CTNNA3: variants seen among roughly 807,000 people sequenced by gnomAD.
The protein encoded by CTNNA3 is catenin alpha 3.
In CTNNA3, 76 loss-of-function variants were observed where a neutral mutation model predicts 95.7. The ratio of observed to expected loss-of-function variants is 0.79; its 90% CI spans 0.66 to 0.96. CTNNA3 has a LOEUF of 0.96. Among genes scored for constraint, CTNNA3 ranks in the 40% least tolerant of loss-of-function variants. The pLI is 0.00. For missense variants in CTNNA3, 1,191 were observed against 1,089.8 expected (o/e 1.09, Z -1.31); for synonymous variants, 431 against 374.4 (o/e 1.15, Z -1.74).
At chr10:66,549,616 A>C (rs568838566) in intron 10 of CTNNA3, among the ~76,000 whole-genome samples, 2 of 152,254 alleles carry the variant, frequency 1.3e-5, no homozygotes, top group African/African-American at 2.4e-5. Flanking sequence ...TAAGCATTTA[A>C]AGCTATGAAT....
intron 5 of CTNNA3, among the ~76,000 whole-genome samples, chr10:67,413,200 A>G (rs1232287724): frequency 6.6e-6 from 1 of 152,044 alleles, no homozygotes; most frequent in East Asian, 1.9e-4. Context: ...ACCATTCCTC[A>G]TCATTCATTC....
chr10:67,555,603 T>C (rs999203773), intron 3 of CTNNA3, among the ~76,000 whole-genome samples: 9 of 152,226 alleles, frequency 5.9e-5, no homozygotes, highest in African/African-American at 2.2e-4. Context: ...TACATTGATT[T>C]TGTATCCTGA....
At chr10:66,728,624 C>T (rs1848852449) in intron 9 of CTNNA3, among the ~76,000 whole-genome samples, 1 of 152,054 alleles carries the variant, frequency 6.6e-6, no homozygotes, top group Non-Finnish European at 1.5e-5. Context: ...GAGTCTCACT[C>T]CGTCACCCAG....
intron 5 of CTNNA3, among the ~76,000 whole-genome samples, chr10:67,435,758 C>T (rs747278555): frequency 2.0e-5 from 3 of 151,838 alleles, no homozygotes; most frequent in Non-Finnish European, 4.4e-5. Flanking sequence ...TAGGAATATA[C>T]CTAACAAAGC....
Position 66,428,182 on chromosome 10 carries a change from C to A in CTNNA3, c.1532-48830G>T, listed in dbSNP as rs574761997. Among the ~76,000 whole-genome samples the A allele has an allele frequency of 1.2e-4, 19 of 152,264 alleles. No homozygotes were observed. The South Asian group carries it at 3.3e-3, about 27-fold the overall frequency. On this transcript the variant is annotated intron_variant, in intron 11 of 17. Transcript: ENST00000433211. ...GGCCATTACATAATGGTAAAGGAAT[C>A]AATTCAACAAGAAGAGCTAACTATC...
intron 7 of CTNNA3, among the ~76,000 whole-genome samples, chr10:66,995,005 A>G (rs1298362466): frequency 6.6e-6 from 1 of 152,150 alleles, no homozygotes; most frequent in African/African-American, 2.4e-5. Context: ...GGTATTTCCC[A>G]GAGTTCATGC....
rs984516644 is a variant in CTNNA3, at chr10:66,095,875, T to C, written c.1977+7282A>G. On this transcript the variant is annotated intron_variant, in intron 14 of 17. Transcript: ENST00000433211. ...ATAGATTCAATGGCCCCAGAGATTT[T>C]CTCTAAGGCAGGGCAGGTTGACAAA... Among the ~76,000 whole-genome samples the C allele has an allele frequency of 2.6e-5, 4 of 152,198 alleles. No individual in the cohort carries two copies. The East Asian group carries it at 7.8e-4, about 30-fold the overall frequency.
chr10:67,758,347 C>CAT (rs1841445277), intron 1 of CTNNA3, among the ~76,000 whole-genome samples: 1 of 151,422 alleles, frequency 6.6e-6, no homozygotes, highest in South Asian at 2.1e-4. Flanking sequence ...CACACACACA[C>CAT]ACACACACAT....
chr10:67,229,105 A>G (rs1297123508), intron 5 of CTNNA3, among the ~76,000 whole-genome samples: 5 of 152,208 alleles, frequency 3.3e-5, no homozygotes, highest in African/African-American at 1.2e-4. Flanking sequence ...AAACATATCA[A>G]AAAGATAATC....
intron 16 of CTNNA3, among the ~76,000 whole-genome samples, chr10:65,971,199 C>T (rs1305632110): frequency 6.6e-6 from 1 of 151,660 alleles, no homozygotes; most frequent in Non-Finnish European, 1.5e-5. Flanking sequence ...TAAACTCCTA[C>T]CTCAAAAAGT....
At chr10:66,546,846 T>C (rs1042080107) in intron 10 of CTNNA3, among the ~76,000 whole-genome samples, 1 of 152,178 alleles carries the variant, frequency 6.6e-6, no homozygotes, top group Non-Finnish European at 1.5e-5. Flanking sequence ...ACCATAGTCA[T>C]GGTCTTAATT....
At chr10:66,605,775 A>C (rs1240762265) in intron 10 of CTNNA3, among the ~76,000 whole-genome samples, 1 of 152,190 alleles carries the variant, frequency 6.6e-6, no homozygotes, top group African/African-American at 2.4e-5. Context: ...ATGTGTTGCC[A>C]CCAGACCTGC....
chr10:67,110,934 G>A lies in CTNNA3; in HGVS notation c.1047+69383C>T, dbSNP rs577158496. 2.7e-4 allele frequency among the ~76,000 whole-genome samples: 41 copies of A among 152,204 alleles called. No homozygotes were observed. In the South Asian group the frequency reaches 3.1e-3, roughly 12 times the overall value. On this transcript the variant is annotated intron_variant, in intron 7 of 17. Coordinates refer to ENST00000433211, the MANE Select transcript of CTNNA3 (RefSeq NM_013266.4). ...TAAGACTTAACCTAAATAAGTTTTC[G>A]TTCCTTTGAATTAGTGGAATAAATA... is the stretch of plus-strand genomic sequence containing the variant.
intron 9 of CTNNA3, among the ~76,000 whole-genome samples, chr10:66,702,743 G>GTAA (rs1847993176): frequency 2.7e-5 from 3 of 112,624 alleles, no homozygotes; most frequent in Admixed American, 8.6e-5. Flanking sequence ...AGTAGTAGTA[G>GTAA]TAGTAGTAGT....
chr10:66,507,552 C>T (rs1050168445), intron 11 of CTNNA3, among the ~76,000 whole-genome samples: 2 of 152,058 alleles, frequency 1.3e-5, no homozygotes, highest in Non-Finnish European at 2.9e-5. Flanking sequence ...CTCTTTACTT[C>T]CATGAGCTCA....
chr10:66,351,628 A>G (rs1400564201), intron 12 of CTNNA3, among the ~76,000 whole-genome samples: 1 of 152,072 alleles, frequency 6.6e-6, no homozygotes, highest in African/African-American at 2.4e-5. Flanking sequence ...TAAAAACATG[A>G]TCACATTGTA....
At chr10:66,769,279 G>A (rs1275153171) in intron 8 of CTNNA3, among the ~76,000 whole-genome samples, 1 of 152,216 alleles carries the variant, frequency 6.6e-6, no homozygotes, top group African/African-American at 2.4e-5. Context: ...AGTGACTTGA[G>A]CTGGATGTGA....
chr10:66,432,559 G>C (rs186330910), intron 11 of CTNNA3, among the ~76,000 whole-genome samples: 3 of 151,944 alleles, frequency 2.0e-5, no homozygotes, highest in African/African-American at 7.2e-5. Context: ...TACTTGGGAG[G>C]CTGAGGAAGG....
intron 9 of CTNNA3, among the ~76,000 whole-genome samples, chr10:66,685,625 GC>G (rs1847269995): frequency 6.6e-6 from 1 of 150,946 alleles, no homozygotes; most frequent in Non-Finnish European, 1.5e-5. Context: ...GCCCACCTCG[GC>G]CTCCCAAAGT....
Sources: gnomAD v4.1 joint callset for allele counts (sites outside exome capture counted in the v4.1 genomes callset) on GRCh38, gnomAD v4.1.1 for gene constraint, MANE v1.5 for transcripts, NCBI Gene and HGNC (gene_info 2026-07-23, HGNC 2026-07-21) for gene names.